The following STAC variants were observed in gnomAD, a reference collection of about 807,000 sequenced individuals.
The protein encoded by STAC is SH3 and cysteine rich domain.
Under a neutral mutation model 48.8 loss-of-function variants are expected in STAC, and 43 were observed. That is an observed-to-expected ratio of 0.88 (90% CI 0.69 to 1.14). The LOEUF is 1.14. Ranked by LOEUF, STAC falls within the 50% of genes most tolerant of loss-of-function variation. The probability of loss-of-function intolerance (pLI) is 0.00; values close to 1 mark genes in which losing one functional copy is unlikely to be tolerated. For missense variants in STAC, 497 were observed against 504.0 expected (o/e 0.99, Z 0.13); for synonymous variants, 193 against 179.5 (o/e 1.07, Z -0.60).
chr3:36,488,752 T>C (rs759546971), intron 5 of STAC, among the ~76,000 whole-genome samples: 1 of 152,162 alleles, frequency 6.6e-6, no homozygotes, highest in Admixed American at 6.6e-5. Context: ...AACCTCATTA[T>C]CTCTCACCTA....
At chr3:36,414,070 G>T (rs569622269) in intron 1 of STAC, among the ~76,000 whole-genome samples, 12 of 152,314 alleles carry the variant, frequency 7.9e-5, no homozygotes. Flanking sequence ...GCTACCCTTT[G>T]TGGGTAACCC....
In STAC at chr3:36,547,103, G is replaced by A. The variant is rs549983573; in HGVS notation, c.*814G>A. ...TTATTGAAGATTATACAGCCCTTTC[G>A]GTTATGAAGTCCCTGCTTGAAGGCA... is the stretch of plus-strand genomic sequence containing the variant. On this transcript the variant is annotated 3_prime_UTR_variant, in exon 11 of 11. Coordinates refer to ENST00000273183, the MANE Select transcript of STAC (RefSeq NM_003149.3). 4.6e-5 allele frequency: 7 copies of A among 152,296 alleles called. No homozygotes were observed. The highest frequency in any genetic ancestry group is 1.9e-4 in the East Asian group (1 of 5,184). The allele number at this position is 152,296 out of a possible 1,614,324, so 9.4% of individuals were successfully genotyped here.
intron 1 of STAC, among the ~76,000 whole-genome samples, chr3:36,425,541 T>C (rs546083048): frequency 5.9e-4 from 90 of 152,298 alleles, no homozygotes; most frequent in Non-Finnish European, 1.0e-3. Context: ...CCAATTCTGA[T>C]AAGGCAAAAT....
At chr3:36,408,908 G>C (rs1345677386) in intron 1 of STAC, among the ~76,000 whole-genome samples, 4 of 152,082 alleles carry the variant, frequency 2.6e-5, no homozygotes, top group Non-Finnish European at 4.4e-5. Flanking sequence ...CTAAATGATT[G>C]GGTGGATGGT....
chr3:36,454,328 G>A lies in STAC; in HGVS notation c.388+10688G>A, dbSNP rs375057508. 1.2e-4 allele frequency among the ~76,000 whole-genome samples: 18 copies of A among 151,830 alleles called. No individual in the cohort carries two copies. In the East Asian group the frequency reaches 1.7e-3, roughly 15 times the overall value. ...CCGGGAGGAAGGAACAACTCCAGAC[G>A]CGTCGCCTTAAGAGCTGTAACACTC... On this transcript the variant is annotated intron_variant, in intron 2 of 10. Coordinates refer to ENST00000273183, the MANE Select transcript of STAC (RefSeq NM_003149.3).
chr3:36,476,661 T>C (rs1202141364), intron 2 of STAC, among the ~76,000 whole-genome samples: 2 of 152,246 alleles, frequency 1.3e-5, no homozygotes, highest in East Asian at 3.8e-4. Flanking sequence ...GCTAACTGCA[T>C]TATTAGGCCT....
chr3:36,413,017 T>A (rs2125636518), intron 1 of STAC, among the ~76,000 whole-genome samples: 1 of 152,304 alleles, frequency 6.6e-6, no homozygotes, highest in Non-Finnish European at 1.5e-5. Flanking sequence ...AGTTCTAGTT[T>A]GATTGCACTG....
At chr3:36,488,810 A>G (rs1161639861) in intron 5 of STAC, among the ~76,000 whole-genome samples, 1 of 152,122 alleles carries the variant, frequency 6.6e-6, no homozygotes, top group Non-Finnish European at 1.5e-5. Flanking sequence ...CCTACCCTTG[A>G]CAGTACCCCC....
chr3:36,469,961 T>C (rs1223006249), intron 2 of STAC, among the ~76,000 whole-genome samples: 4 of 152,192 alleles, frequency 2.6e-5, no homozygotes, highest in African/African-American at 9.7e-5. Context: ...TGAACAATTT[T>C]GCATTCATAT....
At position 36,485,024 on chromosome 3, in the gene STAC, A is replaced by C. The variant is rs368661092; in HGVS notation, c.537A>C (p.Glu179Asp). The C allele has an allele frequency of 2.5e-6, 4 of 1,604,704 alleles. No homozygotes were observed. In the Admixed American group the frequency reaches 5.1e-5, roughly 21 times the overall value. Reference protein sequence around the residue: ...RYYSSPLLIHEQFGCIKEVMP... With the variant: ...RYYSSPLLIHDQFGCIKEVMP... ...ACAGCTCCCCCTTGCTCATTCATGA[A>C]CAGTTTGGCTGCATTAAAGAAGTTA... Residue 179 changes from glutamate (E) to aspartate (D), a missense_variant, in exon 4 of 11, where the codon GAA (glutamate) becomes GAC (aspartate). By Grantham distance (45) the Glu-to-Asp change is conservative (BLOSUM62 2). Coordinates refer to ENST00000273183, the MANE Select transcript of STAC (RefSeq NM_003149.3).
intron 6 of STAC, among the ~76,000 whole-genome samples, chr3:36,498,841 C>T (rs1046775079): frequency 3.9e-5 from 6 of 152,170 alleles, no homozygotes; most frequent in African/African-American, 1.4e-4. Context: ...ATTAAAGACA[C>T]CATTACTCAA....
chr3:36,533,967 A>G (rs990779487), intron 10 of STAC, among the ~76,000 whole-genome samples: 94 of 152,316 alleles, frequency 6.2e-4, no homozygotes, highest in African/African-American at 2.2e-3. Context: ...GGTAATAAAG[A>G]TAGTATCAAT....
intron 5 of STAC, among the ~76,000 whole-genome samples, chr3:36,487,234 T>C (rs917072084): frequency 2.0e-5 from 3 of 152,054 alleles, no homozygotes; most frequent in Admixed American, 6.5e-5. Context: ...GGTAGGCAAG[T>C]AGGTGGGTTT....
At chr3:36,506,712 T>C (rs1044378048) in intron 8 of STAC, among the ~76,000 whole-genome samples, 2 of 152,206 alleles carry the variant, frequency 1.3e-5, no homozygotes, top group Non-Finnish European at 2.9e-5. Flanking sequence ...AGTTTATTCA[T>C]GATTTGGCTC....
intron 1 of STAC, among the ~76,000 whole-genome samples, chr3:36,411,653 G>T (rs760783936): frequency 2.6e-5 from 4 of 152,140 alleles, no homozygotes; most frequent in Non-Finnish European, 4.4e-5. Context: ...TCCATGATGA[G>T]GTCTTCAAGA....
intron 1 of STAC, among the ~76,000 whole-genome samples, chr3:36,430,958 G>C (rs1019692052): frequency 2.0e-5 from 3 of 152,170 alleles, no homozygotes; most frequent in African/African-American, 7.2e-5. Flanking sequence ...AGGTACTGGG[G>C]ATTAAGGCAT....
chr3:36,396,391 C>T (rs1699857933), intron 1 of STAC, among the ~76,000 whole-genome samples: 2 of 152,044 alleles, frequency 1.3e-5, no homozygotes, highest in Non-Finnish European at 2.9e-5. Flanking sequence ...AAATCTTTTA[C>T]ATCAGATTTA....
Position 36,492,034 on chromosome 3 carries a change from ATATATATATATATATATATAT to A in STAC, c.688-1116_688-1096del, listed in dbSNP as rs1559512169. On this transcript the variant is annotated intron_variant, in intron 5 of 10. Coordinates refer to ENST00000273183, the MANE Select transcript of STAC (RefSeq NM_003149.3). ...AAAAAAAAAAAAAAAAAAAAAAAAT[ATATATATATATATATATATAT>A]ATATATATATATGTGACTGTCCTCA... Among the ~76,000 whole-genome samples, 101 of 34,414 alleles carry A rather than the reference ATATATATATATATATATATAT, an allele frequency of 2.9e-3. 1 individual carries two copies. Among genetic ancestry groups the A allele is most frequent in the African/African-American group, 9.1e-3 (92 of 10,158 alleles). 22.6% of individuals were successfully genotyped at this position (34,414 alleles called of 152,430 possible).
In STAC at chr3:36,443,453, A is replaced by G. The variant is rs1696415582; in HGVS notation, c.201A>G (p.Glu67=). The G allele has an allele frequency of 9.3e-6, 15 of 1,614,248 alleles. No homozygotes were observed. Among genetic ancestry groups the G allele is most frequent in the Non-Finnish European group, 1.3e-5 (15 of 1,180,042 alleles). Residue 67 remains glutamate, a synonymous_variant, in exon 2 of 11, where the codon GAA becomes GAG. Transcript: ENST00000273183. The surrounding 1 kb of genome is among the most constrained non-coding windows in gnomAD (Gnocchi z 4.2). ...ADNFFQRTNS[E]DMKLQAHMVA... is the part of the protein sequence containing the mutation. ...ACTTCTTCCAGCGAACCAACAGCGA[A>G]GACATGAAACTGCAAGCACACATGG...
Sources: allele counts gnomAD v4.1 joint callset (sites outside exome capture counted in the v4.1 genomes callset), GRCh38; gene constraint gnomAD v4.1.1; non-coding constraint Gnocchi (gnomAD v3.1); transcripts MANE v1.5; gene names NCBI Gene and HGNC (gene_info 2026-07-23, HGNC 2026-07-21).